Variants in ANGPT1 observed in about 807,000 individuals in gnomAD.
ANGPT1 encodes the protein angiopoietin-1.
In ANGPT1, 17 loss-of-function variants were observed where a neutral mutation model predicts 62.2. The ratio of observed to expected loss-of-function variants is 0.27; its 90% CI spans 0.19 to 0.41. ANGPT1 has a LOEUF of 0.41. ANGPT1 is among the 10% of genes least tolerant of loss of function. The pLI is 1.00. For missense variants in ANGPT1, 478 were observed against 594.9 expected (o/e 0.80, Z 2.04); for synonymous variants, 199 against 198.9 (o/e 1.00, Z 0.00).
At chr8:107,260,447 T>C (rs777426214) in intron 8 of ANGPT1, among the ~76,000 whole-genome samples, 15 of 150,712 alleles carry the variant, frequency 1.0e-4, no homozygotes, top group Admixed American at 1.3e-4. Flanking sequence ...GTATTTTAAA[T>C]AGGCAACAGG....
At chr8:107,368,530 C>T (rs547066330) in intron 1 of ANGPT1, among the ~76,000 whole-genome samples, 1 of 7,286 alleles carries the variant, frequency 1.4e-4, no homozygotes, top group African/African-American at 2.2e-4. Flanking sequence ...TAAGTATATT[C>T]CTTATACTTA....
At chr8:107,404,362 A>T (rs533544326) in intron 1 of ANGPT1, among the ~76,000 whole-genome samples, 25 of 152,206 alleles carry the variant, frequency 1.6e-4, no homozygotes, top group African/African-American at 4.6e-4. Flanking sequence ...GCCTCCAAAG[A>T]TCCTTGGTTC....
In ANGPT1 at chr8:107,460,351, T is replaced by C. The variant is rs922541024; in HGVS notation, c.297+36911A>G. Reference sequence around the variant, plus strand: ...AAGCAGAAGCTGTATGTATAGACCATGTCTTTGGGAGAATTAAAAAAGAAA... The same window carrying C: ...AAGCAGAAGCTGTATGTATAGACCACGTCTTTGGGAGAATTAAAAAAGAAA... On this transcript the variant is annotated intron_variant, in intron 1 of 8. Transcript: ENST00000517746. Among the ~76,000 whole-genome samples the C allele has an allele frequency of 1.1e-3, 160 of 152,256 alleles. 1 individual carries two copies. Among genetic ancestry groups the C allele is most frequent in the Non-Finnish European group, 6.0e-4 (41 of 68,014 alleles).
At chr8:107,400,123 C>T (rs1334339372) in intron 1 of ANGPT1, among the ~76,000 whole-genome samples, 1 of 152,152 alleles carries the variant, frequency 6.6e-6, no homozygotes, top group African/African-American at 2.4e-5. Context: ...ATCTTCTAGC[C>T]TCCATTTGTG....
At chr8:107,452,222 A>T (rs1353280861) in intron 1 of ANGPT1, among the ~76,000 whole-genome samples, 1 of 151,310 alleles carries the variant, frequency 6.6e-6, no homozygotes, top group East Asian at 1.9e-4. Context: ...TGTGTACCAA[A>T]TTTTTTCCCT....
At chr8:107,317,703 T>G (rs768100217) in intron 4 of ANGPT1, among the ~76,000 whole-genome samples, 11 of 151,730 alleles carry the variant, frequency 7.2e-5, no homozygotes, top group Non-Finnish European at 1.6e-4. Context: ...TGATCTCAGC[T>G]CACTGCAACC....
rs542010676 is a variant in ANGPT1, at chr8:107,336,458, G to A, written c.454-187C>T. The A allele has an allele frequency of 2.7e-4, 221 of 814,454 alleles. No individual in the cohort carries two copies. The Admixed American group carries it at 8.9e-3, about 33-fold the overall frequency. 50.5% of individuals were successfully genotyped at this position (814,454 alleles called of 1,614,324 possible). ...AGGCGGGTGGATCACGAGGTCAAGA[G>A]ATCGAGACCATCCTGGCAAACATGG... On this transcript the variant is annotated intron_variant, in intron 2 of 8. Transcript: ENST00000517746.
chr8:107,390,046 T>C (rs1180196788), intron 1 of ANGPT1, among the ~76,000 whole-genome samples: 1 of 152,146 alleles, frequency 6.6e-6, no homozygotes, highest in African/African-American at 2.4e-5. Context: ...TTTCAAAGCC[T>C]GTAAATCTAA....
At chr8:107,496,482 G>C (rs1322624808) in intron 1 of ANGPT1, among the ~76,000 whole-genome samples, 1 of 152,164 alleles carries the variant, frequency 6.6e-6, no homozygotes, top group East Asian at 1.9e-4. Flanking sequence ...GCCAGGTACT[G>C]TCTCTAACTA....
chr8:107,485,438 C>T (rs1812790816), intron 1 of ANGPT1, among the ~76,000 whole-genome samples: 1 of 152,120 alleles, frequency 6.6e-6, no homozygotes, highest in South Asian at 2.1e-4. Flanking sequence ...TAGAGCCTCC[C>T]TGTCTCATGC....
chr8:107,415,578 G>A (rs934725593), intron 1 of ANGPT1, among the ~76,000 whole-genome samples: 1 of 152,090 alleles, frequency 6.6e-6, no homozygotes, highest in Non-Finnish European at 1.5e-5. Context: ...CCTGTTACAT[G>A]ATGTAATTTA....
chr8:107,331,598 T>G (rs183525090), intron 3 of ANGPT1, among the ~76,000 whole-genome samples: 4 of 152,184 alleles, frequency 2.6e-5, no homozygotes, highest in Non-Finnish European at 5.9e-5. Flanking sequence ...CATAAGCAAC[T>G]TACTTGATTT....
chr8:107,372,691 A>G (rs1816440636), intron 1 of ANGPT1, among the ~76,000 whole-genome samples: 2 of 152,006 alleles, frequency 1.3e-5, no homozygotes, highest in South Asian at 4.2e-4. Flanking sequence ...GCAGTGACAC[A>G]GTAACGATTA....
At chr8:107,486,441 T>C (rs1161891316) in intron 1 of ANGPT1, among the ~76,000 whole-genome samples, 1 of 152,162 alleles carries the variant, frequency 6.6e-6, no homozygotes, top group East Asian at 1.9e-4. Flanking sequence ...TTTTGAGGTA[T>C]TCAATGAATT....
intron 1 of ANGPT1, among the ~76,000 whole-genome samples, chr8:107,420,553 T>C (rs1810871327): frequency 6.6e-6 from 1 of 152,186 alleles, no homozygotes; most frequent in African/African-American, 2.4e-5. Flanking sequence ...AACAAGTCGT[T>C]AAAGTTGTAC....
intron 1 of ANGPT1, among the ~76,000 whole-genome samples, chr8:107,496,253 G>A (rs571653456): frequency 6.6e-6 from 1 of 152,318 alleles, no homozygotes; most frequent in East Asian, 1.9e-4. Context: ...AGCATAGTCA[G>A]TTGAATATAC....
rs1161214297 is a variant in ANGPT1 at position 107,268,538 on chromosome 8, A to G, written c.1206-4187T>C. Reference sequence around the variant, plus strand: ...CAGAATATAAAAACATGAGCAAGGCATTATGCAGATAGAATAAAGGAAAAA... The same window carrying G: ...CAGAATATAAAAACATGAGCAAGGCGTTATGCAGATAGAATAAAGGAAAAA... On this transcript the variant is annotated intron_variant, in intron 7 of 8. Transcript: ENST00000517746. Among the ~76,000 whole-genome samples, 3 of 151,920 alleles carry G rather than the reference A, an allele frequency of 2.0e-5. No individual in the cohort carries two copies. In the East Asian group the frequency reaches 5.8e-4, roughly 29 times the overall value.
At chr8:107,370,296 G>GAAGC (rs145012478) in intron 1 of ANGPT1, among the ~76,000 whole-genome samples, 55,528 of 77,868 alleles carry the variant, frequency 0.71, 23,008 homozygotes, top group East Asian at 0.87. Context: ...GAAAAGGAAA[G>GAAGC]AAGAAAGAAA....
chr8:107,324,548 T>G (rs1815240926), intron 3 of ANGPT1, among the ~76,000 whole-genome samples: 1 of 152,144 alleles, frequency 6.6e-6, no homozygotes, highest in East Asian at 1.9e-4. Context: ...ATCCTTGATC[T>G]GGGACTTTCA....
Sources: gnomAD v4.1 joint callset for allele counts (sites outside exome capture counted in the v4.1 genomes callset) on GRCh38, gnomAD v4.1.1 for gene constraint, MANE v1.5 for transcripts, NCBI Gene and HGNC (gene_info 2026-07-23, HGNC 2026-07-21) for gene names.